Variants in ONECUT2 observed in about 807,000 individuals in gnomAD.
ONECUT2 encodes one cut domain family member 2.
In ONECUT2, 10 loss-of-function variants were observed where a neutral mutation model predicts 27.9. That is an observed-to-expected ratio of 0.36 (90% CI 0.22 to 0.61). ONECUT2 has a LOEUF of 0.61. Among genes scored for constraint, ONECUT2 ranks in the 20% least tolerant of loss-of-function variants. The pLI is 0.73. For synonymous variants in ONECUT2, 334 were observed against 315.1 expected, an observed-to-expected ratio of 1.06 and a Z score of -0.64; for missense variants, 686 against 721.0, an observed-to-expected ratio of 0.95 and a Z score of 0.56.
At chr18:57,469,002 G>A (rs775909038) in intron 1 of ONECUT2, among the ~76,000 whole-genome samples, 15 of 152,166 alleles carry the variant, frequency 9.9e-5, no homozygotes, top group Non-Finnish European at 2.2e-4. Flanking sequence ...AGTGAAGGGG[G>A]GTTATTTCCA....
chr18:57,469,607 A>T (rs1210787466), intron 1 of ONECUT2, among the ~76,000 whole-genome samples: 1 of 152,218 alleles, frequency 6.6e-6, no homozygotes, highest in Non-Finnish European at 1.5e-5. Context: ...TGAGGCTGGG[A>T]ATTGGCTATG....
intron 1 of ONECUT2, among the ~76,000 whole-genome samples, chr18:57,476,068 T>C (rs1246847556): frequency 6.6e-6 from 1 of 152,192 alleles, no homozygotes; most frequent in African/African-American, 2.4e-5. Flanking sequence ...AGGAACTGCC[T>C]CACCAGGCTT....
At chr18:57,443,647 G>T (rs1235836677) in intron 1 of ONECUT2, among the ~76,000 whole-genome samples, 1 of 152,186 alleles carries the variant, frequency 6.6e-6, no homozygotes, top group Admixed American at 6.5e-5. Context: ...CTAGGGGCAG[G>T]TGGGGAAAAG....
Position 57,436,162 on chromosome 18 carries a change from C to A in ONECUT2, c.446C>A (p.Thr149Asn). The change falls in exon 1 of 2, where the codon ACC (threonine) becomes AAC (asparagine). Residue 149 changes from threonine to asparagine, a missense_variant. This residue lies in a region of ONECUT2 where 511 missense variants were observed against 488.1 expected (regional missense o/e 1.05). Coordinates refer to ENST00000491143, the MANE Select transcript of ONECUT2 (RefSeq NM_004852.3). This position sits in a 1 kb window ranked among gnomAD's most constrained non-coding sequence, Gnocchi z 5.9. ...GGCATGGGCATGAGCAACACCTACA[C>A]CACGCTGACACCGCTCCAGCCGCTG... is the stretch of plus-strand genomic sequence containing the variant. ...PPGMGMSNTY[T>N]TLTPLQPLPP... The A allele has an allele frequency of 6.2e-7, 1 of 1,606,384 alleles. No homozygotes were observed. Among genetic ancestry groups the A allele is most frequent in the South Asian group, 1.1e-5 (1 of 90,988 alleles).
chr18:57,454,108 G>T (rs1380691969), intron 1 of ONECUT2, among the ~76,000 whole-genome samples: 4 of 152,038 alleles, frequency 2.6e-5, no homozygotes, highest in African/African-American at 7.2e-5. Context: ...GAACATTTTT[G>T]AATTCATTAT....
At position 57,436,235 on chromosome 18, in the gene ONECUT2, C is replaced by T; in HGVS notation, c.519C>T (p.His173=). 1 of 1,603,382 alleles carries T rather than the reference C, an allele frequency of 6.2e-7. No individual in the cohort carries two copies. The highest frequency in any genetic ancestry group is 8.5e-7 in the Non-Finnish European group (1 of 1,177,372). The part of the protein sequence containing the change: ...VSDKFHHPHP[H]HHPHHHHHHH... The stretch of plus-strand genomic sequence containing the variant: ...ACAAGTTCCACCACCCTCACCCGCA[C>T]CACCATCCGCACCACCACCACCACC... Residue 173 remains histidine, a synonymous_variant, in exon 1 of 2, where the codon CAC becomes CAT. Coordinates refer to ENST00000491143, the MANE Select transcript of ONECUT2 (RefSeq NM_004852.3). This position sits in a 1 kb window ranked among gnomAD's most constrained non-coding sequence, Gnocchi z 5.9.
At chr18:57,437,541 C>T (rs891866768) in intron 1 of ONECUT2, among the ~76,000 whole-genome samples, 5 of 152,210 alleles carry the variant, frequency 3.3e-5, no homozygotes, top group African/African-American at 2.4e-5. Flanking sequence ...GGGGAACCGG[C>T]GGCCAGGATA....
intron 1 of ONECUT2, among the ~76,000 whole-genome samples, chr18:57,466,629 C>A (rs559681698): frequency 6.6e-6 from 1 of 152,302 alleles, no homozygotes; most frequent in Non-Finnish European, 1.5e-5. Flanking sequence ...AGGCTGAGTG[C>A]CCCAAACTAT....
In ONECUT2 at chr18:57,436,094, G is replaced by A. The variant is rs757312634; in HGVS notation, c.378G>A (p.Pro126=). 6.3e-6 allele frequency: 10 copies of A among 1,599,730 alleles called. No homozygotes were observed. The highest frequency in any genetic ancestry group is 8.5e-6 in the Non-Finnish European group (10 of 1,179,674). The change falls in exon 1 of 2, where the codon CCG becomes CCA. Residue 126 remains proline, a synonymous_variant. Coordinates refer to ENST00000491143, the MANE Select transcript of ONECUT2 (RefSeq NM_004852.3). The surrounding 1 kb of genome is among the most constrained non-coding windows in gnomAD (Gnocchi z 5.9). ...GGDYRPELSI[P]LHHAMSMSCD... ...ACTACCGGCCCGAGCTCTCCATCCC[G>A]CTGCACCACGCCATGAGCATGTCCT...
intron 1 of ONECUT2, among the ~76,000 whole-genome samples, chr18:57,460,386 A>G (rs1389611742): frequency 1.3e-5 from 2 of 152,166 alleles, no homozygotes; most frequent in African/African-American, 2.4e-5. Flanking sequence ...TTGAAATGCA[A>G]TACTTTCTTT....
intron 1 of ONECUT2, among the ~76,000 whole-genome samples, chr18:57,463,452 G>C (rs2050303827): frequency 6.6e-6 from 1 of 152,070 alleles, no homozygotes; most frequent in Non-Finnish European, 1.5e-5. Flanking sequence ...TTCAGAGTCA[G>C]CTTGTCAAAC....
rs1292155503 is a variant in ONECUT2, at chr18:57,480,230, G to A, written c.*3507G>A. 6.6e-6 allele frequency: 1 copy of A among 152,108 alleles called. No homozygotes were observed. The highest frequency in any genetic ancestry group is 2.4e-5 in the African/African-American group (1 of 41,402). 9.4% of individuals were successfully genotyped at this position (152,108 alleles called of 1,614,324 possible). On this transcript the variant is annotated 3_prime_UTR_variant, in exon 2 of 2. Transcript: ENST00000491143. ...GATTGTTCATTGGCTCTTCCCTTGTGTCCCTTTGTCCCTTGCTCATACTCC... is the reference window on the plus strand; with the variant it reads ...GATTGTTCATTGGCTCTTCCCTTGTATCCCTTTGTCCCTTGCTCATACTCC...
In ONECUT2 at chr18:57,483,829, T is replaced by C. The variant is rs2050427016; in HGVS notation, c.*7106T>C. On this transcript the variant is annotated 3_prime_UTR_variant, in exon 2 of 2. Transcript: ENST00000491143. ...CCAGGCGAACTTCACCTCTTAATTA[T>C]TGTGGCCCTCGGAGCCTTCATATTG... 2 of 152,644 alleles carry C rather than the reference T, an allele frequency of 1.3e-5. No individual in the cohort carries two copies. The highest frequency in any genetic ancestry group is 2.1e-4 in the South Asian group (1 of 4,830). 9.5% of individuals were successfully genotyped at this position (152,644 alleles called of 1,614,324 possible). A position where few individuals can be genotyped will look rare whatever the true frequency, so the allele number is the denominator to read the frequency against.
At chr18:57,466,991 C>T (rs1040878263) in intron 1 of ONECUT2, among the ~76,000 whole-genome samples, 1 of 152,242 alleles carries the variant, frequency 6.6e-6, no homozygotes, top group Non-Finnish European at 1.5e-5. Context: ...GGGGCCTGAA[C>T]CTTCCCCTGG....
chr18:57,485,955 T>C lies in ONECUT2; in HGVS notation c.*9232T>C, dbSNP rs1318980670. On this transcript the variant is annotated 3_prime_UTR_variant, in exon 2 of 2. Coordinates refer to ENST00000491143, the MANE Select transcript of ONECUT2 (RefSeq NM_004852.3). ...CTTTGGTTTTCTTCCTAAATTCCTA[T>C]TGGAATTAGAACTCTCAGAATCCCT... 6.6e-6 allele frequency: 1 copy of C among 152,430 alleles called. No homozygotes were observed. Among genetic ancestry groups the C allele is most frequent in the East Asian group, 1.9e-4 (1 of 5,196 alleles). The allele number at this position is 152,430 out of a possible 1,614,324, so 9.4% of individuals were successfully genotyped here. A position where few individuals can be genotyped will look rare whatever the true frequency, so the allele number is the denominator to read the frequency against.
At position 57,482,288 on chromosome 18, in the gene ONECUT2, A is replaced by G. The variant is rs538449600; in HGVS notation, c.*5565A>G. ...TATCTGTTTTAGAAAGTCTCAGAAT[A>G]CTTATAAAATACAGAAGTAGTTATT... On this transcript the variant is annotated 3_prime_UTR_variant, in exon 2 of 2. Transcript: ENST00000491143. The G allele has an allele frequency of 6.6e-6, 1 of 152,330 alleles. No homozygotes were observed. Among genetic ancestry groups the G allele is most frequent in the East Asian group, 1.9e-4 (1 of 5,188 alleles). The allele number at this position is 152,330 out of a possible 1,614,324, so 9.4% of individuals were successfully genotyped here. A position where few individuals can be genotyped will look rare whatever the true frequency, so the allele number is the denominator to read the frequency against.
intron 1 of ONECUT2, among the ~76,000 whole-genome samples, chr18:57,462,723 C>CTTGTTTTTTTTTTTT (rs2050299283): frequency 1.4e-5 from 1 of 68,998 alleles, no homozygotes; most frequent in African/African-American, 5.9e-5. Context: ...TATTTTCTTT[C>CTTGTTTTTTTTTTTT]TTTTTTTTTT....
chr18:57,435,543 G>GC lies in ONECUT2; in HGVS notation c.-169dup, dbSNP rs1268467164. The GC allele has an allele frequency of 6.3e-5, 2 of 31,794 alleles. No individual in the cohort carries two copies. The highest frequency in any genetic ancestry group is 1.3e-4 in the African/African-American group (1 of 7,900). 2.0% of individuals were successfully genotyped at this position (31,794 alleles called of 1,614,324 possible). On this transcript the variant is annotated 5_prime_UTR_variant, in exon 1 of 2. Coordinates refer to ENST00000491143, the MANE Select transcript of ONECUT2 (RefSeq NM_004852.3). ...CGCACGCCCCGTCCGCCCCCACCCCGCCCCCACCCCGGGCGAGCCCGCCCG... is the reference window on the plus strand; with the variant it reads ...CGCACGCCCCGTCCGCCCCCACCCCGCCCCCCACCCCGGGCGAGCCCGCCCG...
chr18:57,487,105 C>T lies in ONECUT2; in HGVS notation c.*10382C>T, dbSNP rs2050442273. ...ACTGTGAAAATGTACACAGTTCAGCCTCAGACGGTGGTAATATTGGTTTTA... is the reference window on the plus strand; with the variant it reads ...ACTGTGAAAATGTACACAGTTCAGCTTCAGACGGTGGTAATATTGGTTTTA... On this transcript the variant is annotated 3_prime_UTR_variant, in exon 2 of 2. Coordinates refer to ENST00000491143, the MANE Select transcript of ONECUT2 (RefSeq NM_004852.3). 3 of 152,616 alleles carry T rather than the reference C, an allele frequency of 2.0e-5. No homozygotes were observed. Among genetic ancestry groups the T allele is most frequent in the African/African-American group, 7.2e-5 (3 of 41,440 alleles). The allele number at this position is 152,616 out of a possible 1,614,324, so 9.5% of individuals were successfully genotyped here.
Sources: allele counts gnomAD v4.1 joint callset (sites outside exome capture counted in the v4.1 genomes callset), GRCh38; gene constraint gnomAD v4.1.1; regional missense constraint gnomAD v4.1.1; non-coding constraint Gnocchi (gnomAD v3.1); transcripts MANE v1.5; gene names NCBI Gene and HGNC (gene_info 2026-07-23, HGNC 2026-07-21).